ASTN1: variants seen among roughly 807,000 people sequenced by gnomAD.
ASTN1 encodes astrotactin 1.
In ASTN1, 41 loss-of-function variants were observed where a neutral mutation model predicts 140.7. The observed-to-expected ratio is 0.29, with a 90% CI of 0.23 to 0.38. The LOEUF (loss-of-function observed/expected upper bound fraction) is 0.38, where lower values mean the gene tolerates loss of function less well. Among genes scored for constraint, ASTN1 ranks in the 10% least tolerant of loss-of-function variants. The pLI, the probability that ASTN1 is intolerant of heterozygous loss-of-function variation, is 1.00. For synonymous variants in ASTN1, 640 were observed against 652.2 expected (o/e 0.98, Z 0.29); for missense variants, 1,479 against 1,678.8 (o/e 0.88, Z 2.08).
Position 176,965,230 on chromosome 1 carries a change from G to A in ASTN1, c.1531C>T (p.Pro511Ser). 2 of 1,613,762 alleles carry A rather than the reference G, an allele frequency of 1.2e-6. No individual in the cohort carries two copies. Among genetic ancestry groups the A allele is most frequent in the Non-Finnish European group, 1.7e-6 (2 of 1,179,758 alleles). Residue 511 changes from proline (P) to serine (S), a missense_variant, in exon 9 of 23, where the codon CCT becomes TCT. This residue lies in a region of ASTN1 where 729 missense variants were observed against 860.4 expected (regional missense o/e 0.85). Transcript: ENST00000361833. ...NEWGTNQGPW[P>S]YTIFQRGFDL... ...AAGCCTCGCTGAAATATTGTGTAAG[G>A]CCATGGCCTAAAAGAAGAAACATCA... is the stretch of plus-strand genomic sequence containing the variant.
intron 18 of ASTN1, among the ~76,000 whole-genome samples, chr1:176,886,410 C>G (rs1669033424): frequency 6.6e-6 from 1 of 152,214 alleles, no homozygotes; most frequent in African/African-American, 2.4e-5. Context: ...AGAGGTAGCT[C>G]TCTTACCTGG....
chr1:177,009,564 A>G (rs1186284511), intron 8 of ASTN1, among the ~76,000 whole-genome samples: 1 of 152,202 alleles, frequency 6.6e-6, no homozygotes, highest in Non-Finnish European at 1.5e-5. Flanking sequence ...GAGAAGTAGG[A>G]AGAAGTTGCA....
intron 16 of ASTN1, among the ~76,000 whole-genome samples, chr1:176,931,936 TA>T (rs1671221624): frequency 6.6e-6 from 1 of 152,200 alleles, no homozygotes. Context: ...ACATCCTATG[TA>T]AAGGAAGATT....
intron 1 of ASTN1, among the ~76,000 whole-genome samples, chr1:177,131,093 C>G (rs1681916928): frequency 6.6e-6 from 1 of 152,150 alleles, no homozygotes; most frequent in Non-Finnish European, 1.5e-5. Flanking sequence ...CCCAAGTGGT[C>G]CTTACTGCTG....
chr1:176,887,336 A>G (rs1239927676), intron 18 of ASTN1, among the ~76,000 whole-genome samples: 3 of 152,276 alleles, frequency 2.0e-5, no homozygotes, highest in South Asian at 4.1e-4. Flanking sequence ...AAACCTGCCT[A>G]TCCTTTGATT....
chr1:176,938,242 G>T (rs1319280458), intron 14 of ASTN1, among the ~76,000 whole-genome samples: 1 of 152,162 alleles, frequency 6.6e-6, no homozygotes, highest in African/African-American at 2.4e-5. Flanking sequence ...ACAAGTTTAA[G>T]ACTTCAGTCA....
chr1:177,146,074 C>T (rs995092730), intron 1 of ASTN1, among the ~76,000 whole-genome samples: 6 of 152,012 alleles, frequency 3.9e-5, no homozygotes, highest in African/African-American at 9.6e-5. Flanking sequence ...ACCCACTGCA[C>T]GTTAACATAA....
intron 1 of ASTN1, among the ~76,000 whole-genome samples, chr1:177,100,962 G>A (rs915411891): frequency 3.9e-5 from 6 of 152,080 alleles, no homozygotes; most frequent in Admixed American, 6.5e-5. Flanking sequence ...GCATAGTGGC[G>A]GATGCCTGTA....
chr1:177,120,721 C>T lies in ASTN1; in HGVS notation c.283+43673G>A, dbSNP rs571268562. Among the ~76,000 whole-genome samples the T allele has an allele frequency of 2.6e-5, 4 of 152,166 alleles. No homozygotes were observed. In the South Asian group the frequency reaches 8.3e-4, roughly 32 times the overall value. On this transcript the variant is annotated intron_variant, in intron 1 of 22. Transcript: ENST00000361833. ...GGCTGTCTCCCGGTTTTTCTGCCTA[C>T]ATTGGTATTCGCCTTGGCTATCCTC...
chr1:177,114,932 A>G (rs1440655279), intron 1 of ASTN1, among the ~76,000 whole-genome samples: 1 of 152,180 alleles, frequency 6.6e-6, no homozygotes, highest in Non-Finnish European at 1.5e-5. Flanking sequence ...CAAAAGCAAG[A>G]GAGCATGAGA....
intron 1 of ASTN1, among the ~76,000 whole-genome samples, chr1:177,135,444 G>A (rs1000189305): frequency 3.3e-5 from 5 of 151,854 alleles, no homozygotes; most frequent in Admixed American, 1.3e-4. Context: ...CACAAGCAAC[G>A]TGACCATGGG....
chr1:176,902,308 AC>A (rs1480749754), intron 16 of ASTN1, among the ~76,000 whole-genome samples: 1 of 152,170 alleles, frequency 6.6e-6, no homozygotes, highest in East Asian at 1.9e-4. Context: ...ACAGCATTAA[AC>A]CTTTCCCCAG....
chr1:176,896,400 A>G (rs1669508313), intron 16 of ASTN1, among the ~76,000 whole-genome samples: 1 of 152,052 alleles, frequency 6.6e-6, no homozygotes, highest in African/African-American at 2.4e-5. Context: ...AAATCACTTC[A>G]CCCATGACTA....
intron 16 of ASTN1, among the ~76,000 whole-genome samples, chr1:176,917,946 C>A (rs529800538): frequency 6.6e-6 from 1 of 152,256 alleles, no homozygotes; most frequent in African/African-American, 2.4e-5. Context: ...ATTTTAAACT[C>A]CTGCATATCT....
chr1:176,953,295 C>G (rs1466737668), intron 11 of ASTN1, among the ~76,000 whole-genome samples: 1 of 152,136 alleles, frequency 6.6e-6, no homozygotes, highest in Non-Finnish European at 1.5e-5. Context: ...AATACATGAA[C>G]ATATTCAGGG....
At chr1:177,058,481 T>A (rs1008015794) in intron 2 of ASTN1, among the ~76,000 whole-genome samples, 2 of 152,180 alleles carry the variant, frequency 1.3e-5, no homozygotes, top group African/African-American at 4.8e-5. Context: ...TGGTGACAAG[T>A]AGCATATGAA....
chr1:177,041,970 A>G (rs1436965891), intron 2 of ASTN1, among the ~76,000 whole-genome samples: 2 of 152,232 alleles, frequency 1.3e-5, no homozygotes, highest in Non-Finnish European at 2.9e-5. Context: ...TAGGAATTCC[A>G]GTGACTTCAG....
intron 2 of ASTN1, among the ~76,000 whole-genome samples, chr1:177,054,995 G>A (rs1273181749): frequency 1.3e-5 from 2 of 152,170 alleles, no homozygotes; most frequent in African/African-American, 4.8e-5. Flanking sequence ...AAAATCAGGA[G>A]AGTGTTGTCT....
chr1:176,898,607 C>T (rs1010370033), intron 16 of ASTN1, among the ~76,000 whole-genome samples: 8 of 152,180 alleles, frequency 5.3e-5, no homozygotes, highest in African/African-American at 1.7e-4. Flanking sequence ...AAGTGAGAGT[C>T]GTTCAGGTCC....
Sources: gnomAD v4.1 joint callset for allele counts (sites outside exome capture counted in the v4.1 genomes callset) on GRCh38, gnomAD v4.1.1 for gene constraint, gnomAD v4.1.1 regional missense constraint, MANE v1.5 for transcripts, NCBI Gene and HGNC (gene_info 2026-07-23, HGNC 2026-07-21) for gene names.